The following AFF2 variants were observed in gnomAD, a reference collection of about 807,000 sequenced individuals.
AFF2 encodes AF4/FMR2 family member 2.
Under a neutral mutation model 76.9 loss-of-function variants are expected in AFF2, and 14 were observed. The observed-to-expected ratio is 0.18, with a 90% CI of 0.12 to 0.28. AFF2 has a LOEUF of 0.28. Among genes scored for constraint, AFF2 ranks in the 10% least tolerant of loss-of-function variants. The pLI is 1.00. For missense variants in AFF2, 868 were observed against 1,001.1 expected (o/e 0.87, Z 1.79); for synonymous variants, 398 against 366.7 (o/e 1.09, Z -0.98).
intron 9 of AFF2, among the ~76,000 whole-genome samples, chrX:148,925,244 A>G (rs1048666375): frequency 9.8e-5 from 11 of 112,679 alleles, no homozygotes; most frequent in African/African-American, 3.5e-4. Context: ...ATCTTAAAGA[A>G]ACCATTATAC....
chrX:148,598,312 G>A (rs966561980), intron 1 of AFF2, among the ~76,000 whole-genome samples: 30 of 111,752 alleles, frequency 2.7e-4, no homozygotes, highest in African/African-American at 9.7e-4. Flanking sequence ...TGTGACCAAT[G>A]GGAACACGAG....
intron 1 of AFF2, among the ~76,000 whole-genome samples, chrX:148,615,956 T>A (rs1415857222): frequency 1.8e-5 from 2 of 111,952 alleles, no homozygotes; most frequent in Non-Finnish European, 3.8e-5. Context: ...AGCCATATAT[T>A]TGTAAATATC....
At chrX:148,559,189 T>A (rs1417688060) in intron 1 of AFF2, among the ~76,000 whole-genome samples, 1 of 111,676 alleles carries the variant, frequency 9.0e-6, no homozygotes, top group Non-Finnish European at 1.9e-5. Flanking sequence ...TTTAAAAATA[T>A]CACTAATCAA....
chrX:148,983,490 G>A (rs782610847), intron 19 of AFF2, among the ~76,000 whole-genome samples: 7 of 111,960 alleles, frequency 6.3e-5, no homozygotes, highest in African/African-American at 2.3e-4. Flanking sequence ...CATAGAGACT[G>A]TGCAACAAAT....
At chrX:148,595,835 A>G (rs2053566304) in intron 1 of AFF2, among the ~76,000 whole-genome samples, 1 of 112,266 alleles carries the variant, frequency 8.9e-6, no homozygotes, top group South Asian at 3.7e-4. Context: ...CTCATTTTCC[A>G]CAGAAGGAAG....
At chrX:148,589,122 G>A (rs782393103) in intron 1 of AFF2, among the ~76,000 whole-genome samples, 4 of 110,640 alleles carry the variant, frequency 3.6e-5, no homozygotes, top group African/African-American at 1.3e-4. Flanking sequence ...GGAGGGAGGG[G>A]GGCAGAGAGG....
chrX:148,904,672 G>T (rs2071389497), intron 9 of AFF2, among the ~76,000 whole-genome samples: 1 of 112,110 alleles, frequency 8.9e-6, no homozygotes, highest in South Asian at 3.7e-4. Context: ...ACGTGGGGAG[G>T]TTTGGCACCT....
chrX:148,762,590 C>G (rs2069465590), intron 3 of AFF2, among the ~76,000 whole-genome samples: 2 of 108,155 alleles, frequency 1.8e-5, no homozygotes, highest in African/African-American at 6.9e-5. Flanking sequence ...AATGATGCTG[C>G]TTAAGCTAGA....
intron 1 of AFF2, among the ~76,000 whole-genome samples, chrX:148,534,675 A>G (rs923180797): frequency 1.8e-5 from 2 of 112,587 alleles, no homozygotes; most frequent in Admixed American, 9.4e-5. Flanking sequence ...TAAAGGTTAG[A>G]TGTTACTACT....
chrX:148,788,769 C>T (rs1476400716), intron 3 of AFF2, among the ~76,000 whole-genome samples: 2 of 111,975 alleles, frequency 1.8e-5, no homozygotes, highest in African/African-American at 3.2e-5. Context: ...AAACAGCTTG[C>T]TTATTACTTG....
At position 148,656,877 on chromosome X, in the gene AFF2, A is replaced by G. The variant is rs1397769730; in HGVS notation, c.180+4746A>G. Among the ~76,000 whole-genome samples the G allele has an allele frequency of 3.7e-4, 41 of 111,466 alleles. No homozygotes were observed. The Admixed American group carries it at 3.9e-3, about 11-fold the overall frequency. The stretch of plus-strand genomic sequence containing the variant: ...TATACATGGCGAATTTAGACCTTGC[A>G]TCCAGTTCTGTATGATTCCGTATCT... On this transcript the variant is annotated intron_variant, in intron 2 of 20. Coordinates refer to ENST00000370460, the MANE Select transcript of AFF2 (RefSeq NM_002025.4).
At chrX:148,773,596 G>A (rs1443884021) in intron 3 of AFF2, among the ~76,000 whole-genome samples, 1 of 104,088 alleles carries the variant, frequency 9.6e-6, no homozygotes, top group African/African-American at 3.5e-5. Flanking sequence ...GTATGCTATA[G>A]AGATGTAAAG....
At chrX:148,958,574 G>A (rs1232673386) in intron 12 of AFF2, 116 bp downstream of exon 12, 1 of 987,147 alleles carries the variant, frequency 1.0e-6, no homozygotes. Flanking sequence ...TAAAAAACAG[G>A]AGTCTCTCAG....
chrX:148,745,617 T>G (rs1356839752), intron 3 of AFF2, among the ~76,000 whole-genome samples: 1 of 111,927 alleles, frequency 8.9e-6, no homozygotes, highest in African/African-American at 3.2e-5. Flanking sequence ...GCCTATGCCT[T>G]TATATGAATG....
intron 3 of AFF2, among the ~76,000 whole-genome samples, chrX:148,796,178 A>C (rs891092150): frequency 9.1e-6 from 1 of 109,541 alleles, no homozygotes; most frequent in Non-Finnish European, 1.9e-5. Flanking sequence ...GATTCCAGCT[A>C]TATGTCTTCA....
chrX:148,691,112 CA>C (rs2054646578), intron 3 of AFF2, among the ~76,000 whole-genome samples: 1 of 111,633 alleles, frequency 9.0e-6, no homozygotes, highest in South Asian at 3.8e-4. Context: ...GAAGGGGGCA[CA>C]ATTCAGCCCA....
At chrX:148,756,853 T>C (rs186724617) in intron 3 of AFF2, among the ~76,000 whole-genome samples, 28 of 112,288 alleles carry the variant, frequency 2.5e-4, no homozygotes, top group African/African-American at 8.4e-4. Flanking sequence ...AGTAAGTGAA[T>C]AAAAGTAGAA....
At chrX:148,755,505 A>G (rs1298981519) in intron 3 of AFF2, among the ~76,000 whole-genome samples, 1 of 111,690 alleles carries the variant, frequency 9.0e-6, no homozygotes, top group African/African-American at 3.3e-5. Flanking sequence ...TTTTGCCTGT[A>G]TGGATCAAAT....
At chrX:148,878,748 G>A (rs970285581) in intron 7 of AFF2, among the ~76,000 whole-genome samples, 5 of 111,701 alleles carry the variant, frequency 4.5e-5, no homozygotes, top group African/African-American at 1.6e-4. Context: ...ACTGAGTTAT[G>A]GTCTTCTCTG....
Sources: gnomAD v4.1 joint callset for allele counts (sites outside exome capture counted in the v4.1 genomes callset) on GRCh38, gnomAD v4.1.1 for gene constraint, MANE v1.5 for transcripts, NCBI Gene and HGNC (gene_info 2026-07-23, HGNC 2026-07-21) for gene names.